Variants in FYN observed in about 807,000 individuals in gnomAD.
FYN encodes the protein tyrosine-protein kinase Fyn.
Under a neutral mutation model 70.2 loss-of-function variants are expected in FYN, and 10 were observed. The observed-to-expected ratio is 0.14, with a 90% confidence interval of 0.09 to 0.24. FYN has a LOEUF of 0.24. FYN is among the 10% of genes least tolerant of loss of function. FYN has a pLI of 1.00. For synonymous variants in FYN, 236 were observed against 248.6 expected (o/e 0.95, Z 0.48); for missense variants, 319 against 673.1 (o/e 0.47, Z 5.82).
intron 2 of FYN, chr6:111,818,875 G>C (rs1293025592): frequency 6.6e-6 from 1 of 152,116 alleles, no homozygotes; most frequent in African/African-American, 2.4e-5. Context: ...TTCTCCTCTT[G>C]AGTCCATCAG....
At chr6:111,726,914 C>T (rs943217975) in intron 3 of FYN, among the ~76,000 whole-genome samples, 5 of 152,162 alleles carry the variant, frequency 3.3e-5, no homozygotes, top group South Asian at 2.1e-4. Context: ...GCACTTACTC[C>T]GTCCTGCCGC....
intron 3 of FYN, among the ~76,000 whole-genome samples, chr6:111,748,777 C>T (rs780977672): frequency 4.6e-5 from 7 of 152,062 alleles, no homozygotes; most frequent in South Asian, 2.1e-4. Context: ...TTACACAGGT[C>T]GTCTTAAATT....
chr6:111,716,470 G>A (rs1315964949), intron 4 of FYN, among the ~76,000 whole-genome samples: 2 of 152,140 alleles, frequency 1.3e-5, no homozygotes, highest in East Asian at 3.9e-4. Flanking sequence ...CAGGCTGAAC[G>A]CAGCACCCTC....
At chr6:111,811,397 G>GT (rs1473197912) in intron 2 of FYN, among the ~76,000 whole-genome samples, 1 of 152,210 alleles carries the variant, frequency 6.6e-6, no homozygotes, top group East Asian at 1.9e-4. Flanking sequence ...AGCTGTAAAT[G>GT]TAAGTACTGC....
chr6:111,831,382 C>G (rs1184952542), intron 2 of FYN, among the ~76,000 whole-genome samples: 1 of 152,108 alleles, frequency 6.6e-6, no homozygotes, highest in Admixed American at 6.5e-5. Flanking sequence ...ATACTTAACT[C>G]AAATATTTTA....
intron 3 of FYN, among the ~76,000 whole-genome samples, chr6:111,779,936 C>G (rs1771107758): frequency 6.6e-6 from 1 of 152,162 alleles, no homozygotes; most frequent in Non-Finnish European, 1.5e-5. Context: ...CCTCATTTTA[C>G]AGAAGAAGAA....
intron 2 of FYN, among the ~76,000 whole-genome samples, chr6:111,804,366 A>C (rs187597113): frequency 1.1e-3 from 163 of 152,320 alleles, no homozygotes; most frequent in African/African-American, 3.7e-3. Context: ...CTTTCTTCCC[A>C]GGTGGATGCT....
At chr6:111,714,838 A>G (rs1203328654) in intron 4 of FYN, among the ~76,000 whole-genome samples, 1 of 152,206 alleles carries the variant, frequency 6.6e-6, no homozygotes, top group Non-Finnish European at 1.5e-5. Context: ...CTTGGAGCCT[A>G]TGTTAGTTTC....
chr6:111,700,322 T>C (rs1280471940), intron 8 of FYN, 54 bp from the exon 9 acceptor site: 13 of 1,582,958 alleles, frequency 8.2e-6, no homozygotes, highest in Non-Finnish European at 1.1e-5. Flanking sequence ...ACACATGTAA[T>C]GACAACACTC....
intron 2 of FYN, among the ~76,000 whole-genome samples, chr6:111,807,978 T>C (rs1733019475): frequency 6.6e-6 from 1 of 152,028 alleles, no homozygotes; most frequent in South Asian, 2.1e-4. Context: ...TGTGGTGGCA[T>C]GCACCTGTAG....
At chr6:111,780,676 A>G (rs1353030098) in intron 2 of FYN, 41 bp from the exon 3 acceptor site, 1 of 152,500 alleles carries the variant, frequency 6.6e-6, no homozygotes, top group East Asian at 1.9e-4. Flanking sequence ...CCACATCATT[A>G]AACAGAAATA....
rs150235080 is a variant in FYN at position 111,756,416 on chromosome 6, T to TAA, written c.-12+24148_-12+24149dup. Reference sequence around the variant, plus strand: ...TCAGATGGTTTTAGAGAAAAAAAAGTAAAAAAAAAATCTGTGTTTTAGATC... The same window carrying TAA: ...TCAGATGGTTTTAGAGAAAAAAAAGTAAAAAAAAAAAATCTGTGTTTTAGATC... On this transcript the variant is annotated intron_variant, in intron 3 of 13. Coordinates refer to ENST00000354650, the MANE Select transcript of FYN (RefSeq NM_002037.5). 1.5e-3 allele frequency among the ~76,000 whole-genome samples: 211 copies of TAA among 139,784 alleles called. 1 individual carries two copies. The highest frequency in any genetic ancestry group is 5.2e-3 in the African/African-American group (202 of 38,766). The allele number at this position is 139,784 out of a possible 152,430, so 91.7% of individuals were successfully genotyped here.
intron 9 of FYN, among the ~76,000 whole-genome samples, chr6:111,697,486 G>A (rs759661467): frequency 1.3e-5 from 2 of 152,136 alleles, no homozygotes; most frequent in Admixed American, 6.5e-5. Flanking sequence ...GTAAATTGGA[G>A]TTCTTATTAT....
At chr6:111,853,751 T>C (rs1018042027) in intron 1 of FYN, among the ~76,000 whole-genome samples, 7 of 152,208 alleles carry the variant, frequency 4.6e-5, no homozygotes, top group Admixed American at 3.3e-4. Flanking sequence ...CCTGGGTAGC[T>C]AGGACTACAG....
intron 13 of FYN, among the ~76,000 whole-genome samples, chr6:111,664,216 C>T (rs540122370): frequency 2.0e-5 from 3 of 152,286 alleles, no homozygotes; most frequent in Admixed American, 2.0e-4. Flanking sequence ...CTTGGACCAG[C>T]AGAAATCTCC....
intron 3 of FYN, among the ~76,000 whole-genome samples, chr6:111,732,289 G>GT (rs1308373483): frequency 6.7e-6 from 1 of 148,822 alleles, no homozygotes; most frequent in Non-Finnish European, 1.5e-5. Context: ...AGAATACAAT[G>GT]TTTTTTTATA....
At chr6:111,783,257 A>G (rs1237472349) in intron 2 of FYN, among the ~76,000 whole-genome samples, 1 of 152,152 alleles carries the variant, frequency 6.6e-6, no homozygotes, top group Non-Finnish European at 1.5e-5. Context: ...GCAGAAATTC[A>G]CCATTGGCAG....
chr6:111,752,184 C>A (rs1802517886), intron 3 of FYN, among the ~76,000 whole-genome samples: 1 of 152,108 alleles, frequency 6.6e-6, no homozygotes, highest in Non-Finnish European at 1.5e-5. Flanking sequence ...TTCTATTAGT[C>A]CAACTTCGTG....
intron 1 of FYN, among the ~76,000 whole-genome samples, chr6:111,867,403 T>A (rs551150355): frequency 7.5e-6 from 1 of 133,950 alleles, no homozygotes; most frequent in Admixed American, 9.0e-5. Flanking sequence ...TGCAGTGAGC[T>A]GAGATCACGC....
Sources: gnomAD v4.1 joint callset for allele counts (sites outside exome capture counted in the v4.1 genomes callset) on GRCh38, gnomAD v4.1.1 for gene constraint, MANE v1.5 for transcripts, NCBI Gene and HGNC (gene_info 2026-07-23, HGNC 2026-07-21) for gene names.